NHEJ1: variants seen among roughly 807,000 people sequenced by gnomAD.
NHEJ1 encodes non-homologous end-joining factor 1.
Under a neutral mutation model 39.4 loss-of-function variants are expected in NHEJ1, and 22 were observed. The observed-to-expected ratio is 0.56, with a 90% confidence interval of 0.40 to 0.80. The LOEUF (loss-of-function observed/expected upper bound fraction) is 0.80. Among genes scored for constraint, NHEJ1 ranks in the 30% least tolerant of loss-of-function variants. The pLI is 0.00. For missense variants in NHEJ1, 329 were observed against 357.1 expected (o/e 0.92, Z 0.63); for synonymous variants, 154 against 135.6 (o/e 1.14, Z -0.94).
At chr2:219,138,927 G>A (rs1050236723) in intron 5 of NHEJ1, among the ~76,000 whole-genome samples, 5 of 152,286 alleles carry the variant, frequency 3.3e-5, no homozygotes, top group African/African-American at 1.2e-4. Context: ...CTTAAGAGGT[G>A]AAGTTTAATT....
At chr2:219,085,281 T>A (rs528141283) in intron 5 of NHEJ1, among the ~76,000 whole-genome samples, 1 of 152,284 alleles carries the variant, frequency 6.6e-6, no homozygotes, top group South Asian at 2.1e-4. Flanking sequence ...CATTTCAAAT[T>A]TTCCACAGCT....
intron 5 of NHEJ1, among the ~76,000 whole-genome samples, chr2:219,135,788 G>A (rs1949621668): frequency 6.6e-6 from 1 of 152,092 alleles, no homozygotes; most frequent in African/African-American, 2.4e-5. Flanking sequence ...ACCAGCCCTC[G>A]GCTACATAGT....
Position 219,076,535 on chromosome 2 carries a change from T to C in NHEJ1, c.826-80A>G. 10 of 1,101,642 alleles carry C rather than the reference T, an allele frequency of 9.1e-6. No homozygotes were observed. In the South Asian group the frequency reaches 1.2e-4, roughly 13 times the overall value. The allele number at this position is 1,101,642 out of a possible 1,614,324, so 68.2% of individuals were successfully genotyped here. On this transcript the variant is annotated intron_variant, in intron 7 of 7. Transcript: ENST00000356853. ...TAGGAAAGGAACTTTCTTCCTCTCATGGCTCCTGGTTAGGATGAGGCCTTT... is the reference window on the plus strand; with the variant it reads ...TAGGAAAGGAACTTTCTTCCTCTCACGGCTCCTGGTTAGGATGAGGCCTTT...
At position 219,158,572 on chromosome 2, in the gene NHEJ1, G is replaced by GT. The variant is rs951031365; in HGVS notation, c.1-211dup. Among the ~76,000 whole-genome samples the GT allele has an allele frequency of 5.4e-4, 81 of 149,242 alleles. 1 individual carries two copies. The highest frequency in any genetic ancestry group is 1.1e-3 in the African/African-American group (44 of 40,672). On this transcript the variant is annotated intron_variant, in intron 1 of 7. Coordinates refer to ENST00000356853, the MANE Select transcript of NHEJ1 (RefSeq NM_024782.3). ...TAAAAGTATATTTAAAATCTTGAGG[G>GT]TTTTTTTTTTCCCATATTACATTCC...
Position 219,158,234 on chromosome 2 carries a change from C to G in NHEJ1, c.129G>C (p.Gln43His). The G allele has an allele frequency of 6.2e-7, 1 of 1,614,190 alleles. No individual in the cohort carries two copies. The highest frequency in any genetic ancestry group is 1.1e-5 in the South Asian group (1 of 91,084). ...GYALLVSDLQ[Q>H]VWHEQVDTSV... is the part of the protein sequence containing the mutation. ...TAGTGTCCACCTGTTCATGCCACAC[C>G]TGTTGAAGATCTGAAACCAACAAGG... The change falls in exon 2 of 8, where the codon CAG becomes CAC. Residue 43 changes from glutamine to histidine, a missense_variant. Coordinates refer to ENST00000356853, the MANE Select transcript of NHEJ1 (RefSeq NM_024782.3).
At chr2:219,159,588 C>CATATATATATGCATATATATATGCAT (rs1949906489) in intron 1 of NHEJ1, among the ~76,000 whole-genome samples, 1 of 69,536 alleles carries the variant, frequency 1.4e-5, no homozygotes, top group African/African-American at 8.8e-5. Flanking sequence ...TATATATATG[C>CATATATATATGCATATATATATGCAT]ATATATATAT....
At chr2:219,108,618 A>G (rs1287432203) in intron 5 of NHEJ1, among the ~76,000 whole-genome samples, 1 of 152,218 alleles carries the variant, frequency 6.6e-6, no homozygotes, top group African/African-American at 2.4e-5. Flanking sequence ...TTTAAGTTCC[A>G]CATATTCTTA....
intron 5 of NHEJ1, among the ~76,000 whole-genome samples, chr2:219,139,894 T>G (rs776711067): frequency 6.6e-6 from 1 of 152,238 alleles, no homozygotes; most frequent in African/African-American, 2.4e-5. Flanking sequence ...TTAGCCAGGA[T>G]GGTCTTGATT....
At chr2:219,083,125 T>C (rs543795077) in intron 5 of NHEJ1, among the ~76,000 whole-genome samples, 49 of 152,388 alleles carry the variant, frequency 3.2e-4, no homozygotes, top group Non-Finnish European at 5.4e-4. Context: ...TGGGATTATT[T>C]AGATGCTGGG....
chr2:219,106,868 T>A (rs539911892), intron 5 of NHEJ1, among the ~76,000 whole-genome samples: 5 of 152,350 alleles, frequency 3.3e-5, no homozygotes, highest in African/African-American at 1.2e-4. Flanking sequence ...TTCTAACCTG[T>A]GTTCTCATTT....
At chr2:219,085,942 T>C (rs1202686740) in intron 5 of NHEJ1, among the ~76,000 whole-genome samples, 1 of 152,192 alleles carries the variant, frequency 6.6e-6, no homozygotes, top group Non-Finnish European at 1.5e-5. Flanking sequence ...GTCCAGGTCC[T>C]ACATATACTA....
In NHEJ1 at chr2:219,080,680, A is replaced by AATAT. The variant is rs1553542331; in HGVS notation, c.589-2478_589-2475dup. On this transcript the variant is annotated intron_variant, in intron 5 of 7. Coordinates refer to ENST00000356853, the MANE Select transcript of NHEJ1 (RefSeq NM_024782.3). ...ATATATATAAGCTTTTATATATGCT[A>AATAT]ATATATATGCTTATATATATATATG... is the stretch of plus-strand genomic sequence containing the variant. Among the ~76,000 whole-genome samples, 28 of 83,180 alleles carry AATAT rather than the reference A, an allele frequency of 3.4e-4. No homozygotes were observed. In the East Asian group the frequency reaches 6.1e-3, roughly 18 times the overall value. The allele number at this position is 83,180 out of a possible 152,430, so 54.6% of individuals were successfully genotyped here. A position where few individuals can be genotyped will look rare whatever the true frequency, so the allele number is the denominator to read the frequency against.
At chr2:219,142,024 G>C (rs998706082) in intron 5 of NHEJ1, among the ~76,000 whole-genome samples, 3 of 152,174 alleles carry the variant, frequency 2.0e-5, no homozygotes, top group Admixed American at 6.5e-5. Context: ...CTAGAATCAG[G>C]CTGCAACCAG....
In NHEJ1 at chr2:219,078,062, C is replaced by T. The variant is rs1439288965; in HGVS notation, c.706+27G>A. 9.3e-6 allele frequency: 14 copies of T among 1,510,760 alleles called. 1 individual carries two copies. Among genetic ancestry groups the T allele is most frequent in the Non-Finnish European group, 1.2e-5 (13 of 1,085,720 alleles). 93.6% of individuals were successfully genotyped at this position (1,510,760 alleles called of 1,614,324 possible). On this transcript the variant is annotated intron_variant, in intron 6 of 7. Transcript: ENST00000356853. ...CCTAGATCCTAATTGTATCCTCACA[C>T]AGACCGGGTACCTCTGGAGGGCTCA...
chr2:219,157,777 G>A, intron 2 of NHEJ1, 93 bp from the exon 3 acceptor site: 1 of 994,780 alleles, frequency 1.0e-6, no homozygotes, highest in Non-Finnish European at 1.6e-6. Context: ...TTAACACGAA[G>A]GCAATGGACA....
intron 5 of NHEJ1, among the ~76,000 whole-genome samples, chr2:219,098,925 A>C (rs1049355319): frequency 3.9e-5 from 6 of 152,236 alleles, no homozygotes; most frequent in African/African-American, 1.2e-4. Context: ...AATGGGCAAT[A>C]AAATCAGAAG....
At chr2:219,131,809 C>T (rs543056792) in intron 5 of NHEJ1, among the ~76,000 whole-genome samples, 3 of 152,190 alleles carry the variant, frequency 2.0e-5, no homozygotes, top group African/African-American at 4.8e-5. Flanking sequence ...TGGGGCAGAG[C>T]GCTCTAGCTT....
At chr2:219,160,188 A>G (rs1184911181) in intron 1 of NHEJ1, among the ~76,000 whole-genome samples, 1 of 152,096 alleles carries the variant, frequency 6.6e-6, no homozygotes, top group African/African-American at 2.4e-5. Context: ...GAGAACCTTT[A>G]TCTGCACCGA....
At chr2:219,137,660 C>CAATT (rs907457796) in intron 5 of NHEJ1, among the ~76,000 whole-genome samples, 2 of 148,062 alleles carry the variant, frequency 1.4e-5, no homozygotes, top group African/African-American at 4.9e-5. Flanking sequence ...AAGGCCCCCA[C>CAATT]AATTTAGCCT....
Sources: gnomAD v4.1 joint callset for allele counts (sites outside exome capture counted in the v4.1 genomes callset) on GRCh38, gnomAD v4.1.1 for gene constraint, MANE v1.5 for transcripts, NCBI Gene and HGNC (gene_info 2026-07-23, HGNC 2026-07-21) for gene names.